The following LRPPRC variants were observed in gnomAD, a reference collection of about 807,000 sequenced individuals.
LRPPRC encodes the protein leucine rich pentatricopeptide repeat containing.
A neutral mutation model predicts 180.3 loss-of-function variants in LRPPRC; 120 were observed. That is an observed-to-expected ratio of 0.67 (90% CI 0.57 to 0.77). The LOEUF (loss-of-function observed/expected upper bound fraction) is 0.77, where lower values mean the gene tolerates loss of function less well. LRPPRC is among the 30% of genes least tolerant of loss of function. The probability of loss-of-function intolerance (pLI) is 0.00; values close to 1 mark genes in which losing one functional copy is unlikely to be tolerated. For missense variants in LRPPRC, 2,012 were observed against 1,657.2 expected, an observed-to-expected ratio of 1.21 and a Z score of -3.72; for synonymous variants, 723 against 600.0, an observed-to-expected ratio of 1.21 and a Z score of -3.00.
intron 11 of LRPPRC, among the ~76,000 whole-genome samples, chr2:43,970,416 A>G (rs1278193883): frequency 1.3e-5 from 2 of 152,222 alleles, no homozygotes; most frequent in Non-Finnish European, 2.9e-5. Flanking sequence ...GGGGGATAGA[A>G]GCACTTACCA....
At chr2:43,933,469 T>C (rs1478953817) in intron 25 of LRPPRC, among the ~76,000 whole-genome samples, 1 of 152,204 alleles carries the variant, frequency 6.6e-6, no homozygotes, top group East Asian at 1.9e-4. Flanking sequence ...TTTAATCACA[T>C]GAAATAATTT....
intron 3 of LRPPRC, among the ~76,000 whole-genome samples, chr2:43,979,335 G>T (rs1674198880): frequency 6.6e-6 from 1 of 151,912 alleles, no homozygotes; most frequent in African/African-American, 2.4e-5. Flanking sequence ...CACCCCCATT[G>T]GCATATAAAG....
intron 6 of LRPPRC, 103 bp from the exon 7 acceptor site, chr2:43,975,320 A>G: frequency 1.1e-6 from 1 of 914,114 alleles, no homozygotes. Flanking sequence ...GCTAAGTACC[A>G]TTTGGAATTA....
chr2:43,945,378 C>T lies in LRPPRC; in HGVS notation c.2250G>A (p.Lys750=), dbSNP rs755561610. The stretch of plus-strand genomic sequence containing the variant: ...CCAATACTCTTACAAGGCCTACATA[C>T]TTGCCGGTGTCAAGGACAGCAGATG... ...LDSSAVLDTG[K]YVGLVRVLAK... is the part of the protein sequence containing the mutation. The change falls in exon 22 of 38, where the codon AAG becomes AAA. Residue 750 remains lysine, a synonymous_variant. Transcript: ENST00000260665. 5 of 1,612,648 alleles carry T rather than the reference C, an allele frequency of 3.1e-6. No individual in the cohort carries two copies. In the East Asian group the frequency reaches 8.9e-5, roughly 29 times the overall value.
chr2:43,928,802 T>A (rs1206869752), intron 25 of LRPPRC, among the ~76,000 whole-genome samples: 1 of 151,874 alleles, frequency 6.6e-6, no homozygotes, highest in East Asian at 1.9e-4. Context: ...CCAACCCAAG[T>A]ACCGTCCAAG....
chr2:43,929,844 T>G (rs186998205), intron 25 of LRPPRC, among the ~76,000 whole-genome samples: 28 of 152,142 alleles, frequency 1.8e-4, no homozygotes, highest in Admixed American at 1.4e-3. Context: ...AACTAAAAAA[T>G]TATCCACTTG....
chr2:43,948,258 T>C (rs1425547695), intron 17 of LRPPRC, 59 bp from the exon 18 acceptor site: 18 of 1,010,854 alleles, frequency 1.8e-5, no homozygotes, highest in Admixed American at 8.4e-5. Flanking sequence ...AAACTGAAAT[T>C]TGTCTAACAG....
chr2:43,921,083 GGAGTTC>G (rs1671682922), intron 27 of LRPPRC, among the ~76,000 whole-genome samples: 1 of 152,162 alleles, frequency 6.6e-6, no homozygotes, highest in Admixed American at 6.6e-5. Flanking sequence ...GTTGAGGCCA[GGAGTTC>G]GAGACCAGCC....
intron 13 of LRPPRC, among the ~76,000 whole-genome samples, chr2:43,957,804 T>C (rs72798863): frequency 2.0e-5 from 3 of 152,250 alleles, no homozygotes; most frequent in African/African-American, 4.8e-5. Flanking sequence ...AGAGAGAGAC[T>C]GTAATACCCT....
At chr2:43,893,442 A>G (rs766048053) in intron 36 of LRPPRC, among the ~76,000 whole-genome samples, 12 of 152,230 alleles carry the variant, frequency 7.9e-5, no homozygotes, top group Non-Finnish European at 1.6e-4. Flanking sequence ...ACCTTTAGCA[A>G]TCATCACCCT....
rs571065062 is a variant in LRPPRC, at chr2:43,955,399, T to C, written c.1649+1986A>G. 1.9e-4 allele frequency among the ~76,000 whole-genome samples: 29 copies of C among 150,796 alleles called. No individual in the cohort carries two copies. The South Asian group carries it at 5.9e-3, about 31-fold the overall frequency. ...CAGGAGGATTACTTGAGCTCAGAAT[T>C]TGGAGGCTGCAATGAGCCATGTTCG... On this transcript the variant is annotated intron_variant, in intron 14 of 37. Transcript: ENST00000260665.
chr2:43,889,314 C>CAAAAAAAAAAAA (rs780032604), intron 37 of LRPPRC, among the ~76,000 whole-genome samples: 3 of 38,340 alleles, frequency 7.8e-5, no homozygotes, highest in African/African-American at 4.1e-4. Flanking sequence ...GACTCCATCT[C>CAAAAAAAAAAAA]AAAAAAAAAA....
At chr2:43,939,045 G>C (rs529009824) in intron 23 of LRPPRC, among the ~76,000 whole-genome samples, 64 of 151,894 alleles carry the variant, frequency 4.2e-4, no homozygotes, top group African/African-American at 1.5e-3. Flanking sequence ...GGCTGAGGTG[G>C]GTGGATCACG....
intron 11 of LRPPRC, among the ~76,000 whole-genome samples, chr2:43,968,555 G>T (rs535100036): frequency 6.6e-6 from 1 of 152,250 alleles, no homozygotes; most frequent in South Asian, 2.1e-4. Context: ...TTTCAATCAG[G>T]GTTTGGGTGT....
At chr2:43,974,051 T>G (rs1302866793) in intron 9 of LRPPRC, 99 bp downstream of exon 9, 18 of 1,286,946 alleles carry the variant, frequency 1.4e-5, no homozygotes, top group Non-Finnish European at 1.8e-5. Context: ...ATTGTTATGA[T>G]GTTTACAACT....
intron 30 of LRPPRC, among the ~76,000 whole-genome samples, chr2:43,908,207 A>C (rs1376985867): frequency 6.6e-6 from 1 of 152,214 alleles, no homozygotes; most frequent in Admixed American, 6.5e-5. Context: ...AAATTCCCTA[A>C]GAATATGGTT....
In LRPPRC at chr2:43,974,083, CTATACTT is replaced by C. The variant is rs370805768; in HGVS notation, c.1155+60_1155+66del. On this transcript the variant is annotated intron_variant, in intron 9 of 37. Transcript: ENST00000260665. ...AACTGGTCTAATCTTATAAATGTTC[CTATACTT>C]TAAAGAATCTTATTTCACTGCCAAT... 1,123 of 1,455,662 alleles carry C rather than the reference CTATACTT, an allele frequency of 7.7e-4. 9 individuals carry two copies. In the African/African-American group the frequency reaches 0.014, roughly 18 times the overall value. The allele number at this position is 1,455,662 out of a possible 1,614,324, so 90.2% of individuals were successfully genotyped here. A position where few individuals can be genotyped will look rare whatever the true frequency, so the allele number is the denominator to read the frequency against.
At chr2:43,981,715 G>C (rs1334753491) in intron 2 of LRPPRC, among the ~76,000 whole-genome samples, 1 of 151,820 alleles carries the variant, frequency 6.6e-6, no homozygotes, top group East Asian at 1.9e-4. Context: ...CAGATGAGTT[G>C]ACAAGATAGA....
At chr2:43,907,569 T>C (rs955356485) in intron 30 of LRPPRC, among the ~76,000 whole-genome samples, 1 of 152,168 alleles carries the variant, frequency 6.6e-6, no homozygotes, top group African/African-American at 2.4e-5. Context: ...ACTAGCCACA[T>C]GGCTACTCTG....
Sources: allele counts gnomAD v4.1 joint callset (sites outside exome capture counted in the v4.1 genomes callset), GRCh38; gene constraint gnomAD v4.1.1; transcripts MANE v1.5; gene names NCBI Gene and HGNC (gene_info 2026-07-23, HGNC 2026-07-21).